Variants in MSI2 observed in about 807,000 individuals in gnomAD.
The protein encoded by MSI2 is RNA-binding protein Musashi homolog 2.
Under a neutral mutation model 45.6 loss-of-function variants are expected in MSI2, and 17 were observed. That is an observed-to-expected ratio of 0.37 (90% CI 0.26 to 0.56). The LOEUF (loss-of-function observed/expected upper bound fraction) is 0.56. MSI2 is among the 20% of genes least tolerant of loss of function. The probability of loss-of-function intolerance (pLI) is 0.77; values close to 1 mark genes in which losing one functional copy is unlikely to be tolerated. For synonymous variants in MSI2, 156 were observed against 158.2 expected, an observed-to-expected ratio of 0.99 and a Z score of 0.11; for missense variants, 293 against 444.2, an observed-to-expected ratio of 0.66 and a Z score of 3.06.
At chr17:57,657,690 G>C (rs1242214761) in intron 11 of MSI2, among the ~76,000 whole-genome samples, 1 of 152,196 alleles carries the variant, frequency 6.6e-6, no homozygotes, top group Non-Finnish European at 1.5e-5. Context: ...GATGTTTTCT[G>C]TGTCCCCACT....
intron 5 of MSI2, among the ~76,000 whole-genome samples, chr17:57,357,244 C>T (rs1237221839): frequency 2.0e-5 from 3 of 152,162 alleles, no homozygotes; most frequent in Non-Finnish European, 2.9e-5. Context: ...CAGACCCAGG[C>T]GGCTGCAGCT....
chr17:57,698,020 C>T, the MSI2 span, among the ~76,000 whole-genome samples: 4 of 152,162 alleles, frequency 2.6e-5, no homozygotes, highest in Non-Finnish European at 4.4e-5. Context: ...TGCTCACCTC[C>T]CTGTCTCTGG....
rs544408179 is a variant in MSI2, at chr17:57,562,347, C to T, written c.454+32623C>T. Reference sequence around the variant, plus strand: ...ACTTCCCAGGCCTCTTCTCATGGTGCTTTCATACACAGAGGAAGCATTCTT... The same window carrying T: ...ACTTCCCAGGCCTCTTCTCATGGTGTTTTCATACACAGAGGAAGCATTCTT... On this transcript the variant is annotated intron_variant, in intron 7 of 13. Transcript: ENST00000284073. Among the ~76,000 whole-genome samples the T allele has an allele frequency of 3.3e-5, 5 of 152,332 alleles. No individual in the cohort carries two copies. In the East Asian group the frequency reaches 9.6e-4, roughly 29 times the overall value.
downstream of MSI2, among the ~76,000 whole-genome samples, chr17:57,688,304 C>A (rs1913921235): frequency 6.6e-6 from 1 of 152,024 alleles, no homozygotes; most frequent in African/African-American, 2.4e-5. Context: ...TACTAAAATT[C>A]ATGAAAACTT....
intron 5 of MSI2, among the ~76,000 whole-genome samples, chr17:57,329,030 G>A (rs1413902305): frequency 2.0e-5 from 3 of 149,956 alleles, no homozygotes; most frequent in Non-Finnish European, 4.5e-5. Flanking sequence ...GGAGGCGGAG[G>A]TTGCAGTGAG....
At chr17:57,399,826 C>A (rs1053552389) in intron 5 of MSI2, among the ~76,000 whole-genome samples, 2 of 152,176 alleles carry the variant, frequency 1.3e-5, no homozygotes, top group African/African-American at 4.8e-5. Flanking sequence ...TGCCCAGGGT[C>A]ACACCCAGAG....
At chr17:57,577,157 G>T (rs963685146) in intron 7 of MSI2, among the ~76,000 whole-genome samples, 7 of 152,328 alleles carry the variant, frequency 4.6e-5, no homozygotes, top group Non-Finnish European at 7.3e-5. Context: ...CCCCTGGGAG[G>T]GGGGCCAGGC....
intron 4 of MSI2, chr17:57,260,136 C>T (rs1028584819): frequency 6.7e-6 from 1 of 149,296 alleles, no homozygotes; most frequent in Non-Finnish European, 1.5e-5. Context: ...CTGTACCTAA[C>T]TAACTAATGT....
rs78893931 is a variant in MSI2, at chr17:57,287,385, G to A, written c.312+25193G>A. ...AGCACCCCTTCCATGGGTCCCTCTCGGCCAGCCTCAAGGAAGGGGTCCTGT... is the reference window on the plus strand; with the variant it reads ...AGCACCCCTTCCATGGGTCCCTCTCAGCCAGCCTCAAGGAAGGGGTCCTGT... On this transcript the variant is annotated intron_variant, in intron 5 of 13. Transcript: ENST00000284073. Among the ~76,000 whole-genome samples the A allele has an allele frequency of 3.8e-3, 575 of 152,202 alleles. 1 individual carries two copies. The highest frequency in any genetic ancestry group is 0.013 in the African/African-American group (550 of 41,536).
In MSI2 at chr17:57,363,401, C is replaced by G. The variant is rs566781185; in HGVS notation, c.313-37978C>G. On this transcript the variant is annotated intron_variant, in intron 5 of 13. Transcript: ENST00000284073. ...CTCTGTGACAAAAAGAGCTCTGTGA[C>G]AGAAAGAGTGGCGATTTTATGTTAT... 3.2e-4 allele frequency among the ~76,000 whole-genome samples: 48 copies of G among 152,252 alleles called. No individual in the cohort carries two copies. In the East Asian group the frequency reaches 6.7e-3, roughly 21 times the overall value.
intron 6 of MSI2, among the ~76,000 whole-genome samples, chr17:57,435,654 A>G (rs2084678064): frequency 6.6e-6 from 1 of 152,168 alleles, no homozygotes; most frequent in African/African-American, 2.4e-5. Context: ...TCACCACTTA[A>G]TTAGAAAATC....
intron 5 of MSI2, among the ~76,000 whole-genome samples, chr17:57,338,077 A>C (rs1914820421): frequency 6.6e-6 from 1 of 152,030 alleles, no homozygotes; most frequent in Admixed American, 6.6e-5. Context: ...CGAGATTTGT[A>C]TGGGTTTTAT....
chr17:57,286,312 T>TA (rs1432767927), intron 5 of MSI2, among the ~76,000 whole-genome samples: 1 of 152,084 alleles, frequency 6.6e-6, no homozygotes, highest in East Asian at 1.9e-4. Context: ...TGGTGATTTT[T>TA]AAAAAAATGT....
chr17:57,278,963 A>G (rs1312388487), intron 5 of MSI2: 1 of 152,150 alleles, frequency 6.6e-6, no homozygotes, highest in Non-Finnish European at 1.5e-5. Flanking sequence ...TGTGGACGCC[A>G]GTACTTGTGT....
chr17:57,423,739 C>T lies in MSI2; in HGVS notation c.405+22268C>T, dbSNP rs889940448. On this transcript the variant is annotated intron_variant, in intron 6 of 13. Coordinates refer to ENST00000284073, the MANE Select transcript of MSI2 (RefSeq NM_138962.4). ...TATAAAATTTTTCATACCCACCCAG[C>T]GTTTTGCATGGGTTCTTCACTCTCT... Among the ~76,000 whole-genome samples, 4 of 152,266 alleles carry T rather than the reference C, an allele frequency of 2.6e-5. No homozygotes were observed. The South Asian group carries it at 8.3e-4, about 32-fold the overall frequency.
At chr17:57,521,810 T>A (rs532316279) in intron 6 of MSI2, among the ~76,000 whole-genome samples, 1 of 152,280 alleles carries the variant, frequency 6.6e-6, no homozygotes, top group East Asian at 1.9e-4. Flanking sequence ...TAGGTTGGGG[T>A]GTGGCCTTGG....
At chr17:57,594,214 G>A (rs922837987) in intron 7 of MSI2, among the ~76,000 whole-genome samples, 22 of 152,326 alleles carry the variant, frequency 1.4e-4, no homozygotes, top group African/African-American at 3.4e-4. Context: ...GCCAATTTCC[G>A]CGGCCTCCGC....
intron 6 of MSI2, among the ~76,000 whole-genome samples, chr17:57,476,236 G>T (rs2143718313): frequency 6.6e-6 from 1 of 152,240 alleles, no homozygotes; most frequent in Admixed American, 6.5e-5. Flanking sequence ...TTTCCTGGGG[G>T]TCTCTGAGCA....
chr17:57,428,626 C>G (rs2084537997), intron 6 of MSI2, among the ~76,000 whole-genome samples: 1 of 152,134 alleles, frequency 6.6e-6, no homozygotes, highest in Non-Finnish European at 1.5e-5. Flanking sequence ...CATTCATTAC[C>G]TGTTTTCATA....
Sources: gnomAD v4.1 joint callset for allele counts (sites outside exome capture counted in the v4.1 genomes callset) on GRCh38, gnomAD v4.1.1 for gene constraint, MANE v1.5 for transcripts, NCBI Gene and HGNC (gene_info 2026-07-23, HGNC 2026-07-21) for gene names.